Variants in IBSP observed in about 807,000 individuals in gnomAD.
IBSP encodes the protein integrin binding sialoprotein, also known as integrin-binding sialoprotein.
In IBSP, 19 loss-of-function variants were observed where a neutral mutation model predicts 25.5. The observed-to-expected ratio is 0.74, with a 90% CI of 0.52 to 1.09. IBSP has a LOEUF of 1.09. IBSP is among the 50% of genes least tolerant of loss of function. The pLI is 0.00. For missense variants in IBSP, 360 were observed against 382.3 expected, an observed-to-expected ratio of 0.94 and a Z score of 0.49; for synonymous variants, 144 against 137.6, an observed-to-expected ratio of 1.05 and a Z score of -0.33.
At position 87,811,985 on chromosome 4, in the gene IBSP, G is replaced by A; in HGVS notation, c.*75G>A. ...CATTTTCGAAGTTCAACTCAGGAAG[G>A]TGCAATATAACAAATGTGCATATTA... is the stretch of plus-strand genomic sequence containing the variant. On this transcript the variant is annotated 3_prime_UTR_variant, in exon 7 of 7. Transcript: ENST00000226284. 3.4e-6 allele frequency: 4 copies of A among 1,174,776 alleles called. No individual in the cohort carries two copies. The highest frequency in any genetic ancestry group is 4.8e-6 in the Non-Finnish European group (4 of 832,714). The allele number at this position is 1,174,776 out of a possible 1,614,324, so 72.8% of individuals were successfully genotyped here.
chr4:87,811,397 G>C lies in IBSP; in HGVS notation c.441G>C (p.Lys147Asn). The C allele has an allele frequency of 6.2e-7, 1 of 1,612,724 alleles. No homozygotes were observed. The highest frequency in any genetic ancestry group is 8.5e-7 in the Non-Finnish European group (1 of 1,179,596). Residue 147 changes from lysine to asparagine, a missense_variant, in exon 7 of 7, where the codon AAG (lysine) becomes AAC (asparagine). Physicochemically the swap from Lys to Asn is moderately conservative, Grantham distance 94 (BLOSUM62 0). Coordinates refer to ENST00000226284, the MANE Select transcript of IBSP (RefSeq NM_004967.4). ...TAACAAATAAAGCTACAAAAGAGAAGGAAAGTGATGAAGAAGAAGAGGAGG... is the reference window on the plus strand; with the variant it reads ...TAACAAATAAAGCTACAAAAGAGAACGAAAGTGATGAAGAAGAAGAGGAGG... The part of the protein sequence containing the change: ...GDITNKATKE[K>N]ESDEEEEEEE...
At chr4:87,806,208 G>T in intron 5 of IBSP, 24 bp downstream of exon 5, 1 of 1,585,424 alleles carries the variant, frequency 6.3e-7, no homozygotes, top group Non-Finnish European at 8.6e-7. Context: ...CAATCTTTTC[G>T]TAATAAAGCA....
intron 3 of IBSP, 41 bp from the exon 4 acceptor site, chr4:87,802,613 G>T: frequency 6.4e-7 from 1 of 1,565,404 alleles, no homozygotes. Context: ...TATATTTATT[G>T]CATATTAAAC....
At chr4:87,800,654 GA>G (rs1722000447) in intron 1 of IBSP, among the ~76,000 whole-genome samples, 1 of 152,104 alleles carries the variant, frequency 6.6e-6, no homozygotes, top group Non-Finnish European at 1.5e-5. Flanking sequence ...AGGACTGTGA[GA>G]AACTGTCTGG....
At position 87,811,556 on chromosome 4, in the gene IBSP, A is replaced by G; in HGVS notation, c.600A>G (p.Glu200=). 1 of 1,613,868 alleles carries G rather than the reference A, an allele frequency of 6.2e-7. No individual in the cohort carries two copies. The highest frequency in any genetic ancestry group is 1.3e-5 in the African/African-American group (1 of 74,970). Residue 200 remains glutamate, a synonymous_variant, in exon 7 of 7, where the codon GAA becomes GAG. Coordinates refer to ENST00000226284, the MANE Select transcript of IBSP (RefSeq NM_004967.4). ...NGSSGGDNGE[E]GEEESVTGAN... ...GCAGCGGAGGAGACAATGGAGAAGA[A>G]GGGGAAGAAGAAAGTGTCACTGGAG...
Position 87,811,850 on chromosome 4 carries a change from C to A in IBSP, c.894C>A (p.Ser298Arg). 1 of 1,587,804 alleles carries A rather than the reference C, an allele frequency of 6.3e-7. No individual in the cohort carries two copies. The highest frequency in any genetic ancestry group is 1.2e-5 in the South Asian group (1 of 86,156). Reference protein sequence around the residue: ...DNYRAYEDEYSYFKGQGYDGY... With the variant: ...DNYRAYEDEYRYFKGQGYDGY... ...ACCGAGCCTATGAAGATGAGTACAG[C>A]TACTTTAAAGGACAAGGCTACGATG... Residue 298 changes from serine to arginine, a missense_variant, in exon 7 of 7, where the codon AGC (serine) becomes AGA (arginine). Coordinates refer to ENST00000226284, the MANE Select transcript of IBSP (RefSeq NM_004967.4).
At chr4:87,802,771 T>C in intron 4 of IBSP, 40 bp downstream of exon 4, 5 of 1,341,012 alleles carry the variant, frequency 3.7e-6, no homozygotes, top group Non-Finnish European at 5.0e-6. Context: ...TTAATTTCTA[T>C]TATAATTTAA....
chr4:87,805,956 A>G (rs1049613675), intron 4 of IBSP, among the ~76,000 whole-genome samples, 166 bp from the exon 5 acceptor site: 9 of 152,226 alleles, frequency 5.9e-5, no homozygotes, highest in African/African-American at 2.2e-4. Flanking sequence ...TCACATCAGT[A>G]TGCAATCTGT....
chr4:87,806,581 T>A (rs971213573), intron 5 of IBSP, among the ~76,000 whole-genome samples: 1 of 152,202 alleles, frequency 6.6e-6, no homozygotes, highest in Non-Finnish European at 1.5e-5. Flanking sequence ...AGTGCAAGAC[T>A]TGTTTTAAGG....
intron 4 of IBSP, among the ~76,000 whole-genome samples, chr4:87,803,253 G>A: frequency 6.6e-6 from 1 of 151,966 alleles, no homozygotes; most frequent in East Asian, 1.9e-4. Context: ...AACCTGTGTG[G>A]GTCACTAGAG....
rs781151095 is a variant in IBSP at position 87,811,418 on chromosome 4, G to A, written c.462G>A (p.Glu154=). Residue 154 remains glutamate, a synonymous_variant, in exon 7 of 7, where the codon GAG becomes GAA. Coordinates refer to ENST00000226284, the MANE Select transcript of IBSP (RefSeq NM_004967.4). ...AGAAGGAAAGTGATGAAGAAGAAGA[G>A]GAGGAAGAGGAAGGAAATGAAAACG... ...TKEKESDEEE[E]EEEEGNENEE... is the part of the protein sequence containing the mutation. 34 of 1,613,064 alleles carry A rather than the reference G, an allele frequency of 2.1e-5. No homozygotes were observed. Among genetic ancestry groups the A allele is most frequent in the African/African-American group, 5.3e-5 (4 of 74,842 alleles).
chr4:87,806,251 A>G (rs1043348422), intron 5 of IBSP, 67 bp downstream of exon 5: 7 of 1,222,190 alleles, frequency 5.7e-6, no homozygotes, highest in Non-Finnish European at 8.4e-6. Flanking sequence ...AAACTAGTCT[A>G]TTGCATTCTG....
chr4:87,801,107 A>G (rs1296502496), intron 1 of IBSP, among the ~76,000 whole-genome samples: 1 of 152,168 alleles, frequency 6.6e-6, no homozygotes. Context: ...TGAGGAATTT[A>G]TGTGGAACTG....
At position 87,811,969 on chromosome 4, in the gene IBSP, A is replaced by G; in HGVS notation, c.*59A>G. On this transcript the variant is annotated 3_prime_UTR_variant, in exon 7 of 7. Coordinates refer to ENST00000226284, the MANE Select transcript of IBSP (RefSeq NM_004967.4). ...CTTTGCATCCGGCTACCATTTTCGA[A>G]GTTCAACTCAGGAAGGTGCAATATA... is the stretch of plus-strand genomic sequence containing the variant. The G allele has an allele frequency of 7.5e-7, 1 of 1,328,934 alleles. No individual in the cohort carries two copies. Among genetic ancestry groups the G allele is most frequent in the Non-Finnish European group, 1.0e-6 (1 of 968,438 alleles). 82.3% of individuals were successfully genotyped at this position (1,328,934 alleles called of 1,614,324 possible).
chr4:87,809,799 A>G (rs1722143023), intron 5 of IBSP, among the ~76,000 whole-genome samples: 1 of 152,192 alleles, frequency 6.6e-6, no homozygotes, highest in South Asian at 2.1e-4. Flanking sequence ...GGAAACCTTG[A>G]CTTTTTATAT....
chr4:87,804,248 G>A (rs908150881), intron 4 of IBSP, among the ~76,000 whole-genome samples: 2 of 152,028 alleles, frequency 1.3e-5, no homozygotes, highest in African/African-American at 4.8e-5. Context: ...TTTTCTTTAA[G>A]TGTATTGTTA....
intron 1 of IBSP, among the ~76,000 whole-genome samples, chr4:87,800,553 C>T (rs570399902): frequency 6.6e-6 from 1 of 152,112 alleles, no homozygotes; most frequent in South Asian, 2.1e-4. Context: ...TAGACCACCC[C>T]GATAGAAATC....
chr4:87,811,741 A>G lies in IBSP; in HGVS notation c.785A>G (p.Glu262Gly). The change falls in exon 7 of 7, where the codon GAG becomes GGG. Residue 262 changes from glutamate (E) to glycine (G), a missense_variant. Physicochemically the swap from Glu to Gly is moderately conservative, Grantham distance 98 (BLOSUM62 -2). Transcript: ENST00000226284. ...GKTTTVEYEGEYEYTGANEYD... is the reference protein window; with the variant it reads ...GKTTTVEYEGGYEYTGANEYD... ...ACCACCACCGTTGAATACGAGGGGG[A>G]GTACGAATACACGGGCGCCAATGAA... The G allele has an allele frequency of 2.5e-6, 4 of 1,613,978 alleles. No individual in the cohort carries two copies. The highest frequency in any genetic ancestry group is 4.5e-5 in the East Asian group (2 of 44,866).
chr4:87,805,058 G>T (rs546850153), intron 4 of IBSP, among the ~76,000 whole-genome samples: 1 of 152,122 alleles, frequency 6.6e-6, no homozygotes, highest in Non-Finnish European at 1.5e-5. Context: ...TTCCTGGCTC[G>T]AGGTGACAAG....
Sources: allele counts gnomAD v4.1 joint callset (sites outside exome capture counted in the v4.1 genomes callset), GRCh38; gene constraint gnomAD v4.1.1; transcripts MANE v1.5; gene names NCBI Gene and HGNC (gene_info 2026-07-23, HGNC 2026-07-21).